The following SRPK2 variants were observed in gnomAD, a reference collection of about 807,000 sequenced individuals.
The protein encoded by SRPK2 is SFRS protein kinase 2.
A neutral mutation model predicts 90.8 loss-of-function variants in SRPK2; 21 were observed. The ratio of observed to expected loss-of-function variants is 0.23; its 90% CI spans 0.16 to 0.33. The LOEUF is 0.33. Ranked by LOEUF, SRPK2 falls within the 10% of genes least tolerant of loss-of-function variation. The pLI, the probability that SRPK2 is intolerant of heterozygous loss-of-function variation, is 1.00. For missense variants in SRPK2, 620 were observed against 869.0 expected, an observed-to-expected ratio of 0.71 and a Z score of 3.60; for synonymous variants, 288 against 311.1, an observed-to-expected ratio of 0.93 and a Z score of 0.78.
At chr7:105,362,971 C>T (rs1461623191) in intron 2 of SRPK2, among the ~76,000 whole-genome samples, 2 of 151,868 alleles carry the variant, frequency 1.3e-5, no homozygotes, top group African/African-American at 4.8e-5. Context: ...TGTTCTCACT[C>T]ATAGGAACTG....
intron 2 of SRPK2, among the ~76,000 whole-genome samples, chr7:105,258,511 G>T (rs974246255): frequency 1.3e-5 from 2 of 151,728 alleles, no homozygotes; most frequent in East Asian, 3.9e-4. Flanking sequence ...ACTAATATTT[G>T]GGATGTAAAT....
At chr7:105,264,371 C>G (rs927148116) in intron 2 of SRPK2, among the ~76,000 whole-genome samples, 9 of 152,234 alleles carry the variant, frequency 5.9e-5, no homozygotes, top group Admixed American at 2.6e-4. Context: ...CAAAAACAGC[C>G]TGGGTTCCTT....
chr7:105,122,198 T>A (rs558878147), intron 15 of SRPK2, among the ~76,000 whole-genome samples: 1 of 152,274 alleles, frequency 6.6e-6, no homozygotes, highest in Admixed American at 6.5e-5. Context: ...AACTAAACAA[T>A]TCCTAGAAAA....
chr7:105,352,631 G>T (rs1008725635), intron 2 of SRPK2, among the ~76,000 whole-genome samples: 1 of 152,278 alleles, frequency 6.6e-6, no homozygotes, highest in Non-Finnish European at 1.5e-5. Flanking sequence ...TGGGTGTGGT[G>T]GCTCACGCCA....
At chr7:105,304,669 G>C (rs1056597313) in intron 2 of SRPK2, among the ~76,000 whole-genome samples, 4 of 152,112 alleles carry the variant, frequency 2.6e-5, no homozygotes, top group Non-Finnish European at 5.9e-5. Context: ...ACAGTATCCC[G>C]AGCCTTACTT....
At chr7:105,292,604 G>A (rs1809204487) in intron 2 of SRPK2, among the ~76,000 whole-genome samples, 1 of 149,898 alleles carries the variant, frequency 6.7e-6, no homozygotes, top group Admixed American at 6.7e-5. Context: ...CCTCTGAAAC[G>A]CACCTGAAGA....
chr7:105,211,478 G>C (rs1175620436), intron 2 of SRPK2, among the ~76,000 whole-genome samples: 4 of 152,154 alleles, frequency 2.6e-5, no homozygotes, highest in Non-Finnish European at 5.9e-5. Flanking sequence ...AAGCTTCCGG[G>C]AAGGCCTCAG....
chr7:105,146,438 C>T (rs1804639206), intron 8 of SRPK2, 55 bp downstream of exon 8: 2 of 1,575,536 alleles, frequency 1.3e-6, no homozygotes, highest in East Asian at 2.3e-5. Context: ...ACAACTGCAA[C>T]TTTGCAAGCT....
At chr7:105,393,467 T>C (rs1436659966), upstream of SRPK2, among the ~76,000 whole-genome samples, 21 of 141,422 alleles carry the variant, frequency 1.5e-4, no homozygotes, top group South Asian at 8.9e-4. Flanking sequence ...TTCTTTTTTT[T>C]TTTTTTTTTT....
intron 2 of SRPK2, among the ~76,000 whole-genome samples, chr7:105,212,378 AT>A (rs1796964825): frequency 1.3e-5 from 2 of 152,202 alleles, no homozygotes; most frequent in South Asian, 4.1e-4. Flanking sequence ...TGGTATCGTT[AT>A]GGAAACAGAG....
chr7:105,333,614 C>T (rs947591017), intron 2 of SRPK2, among the ~76,000 whole-genome samples: 1 of 152,178 alleles, frequency 6.6e-6, no homozygotes, highest in Non-Finnish European at 1.5e-5. Flanking sequence ...CTCTTTCCTG[C>T]TTTCCAGTAG....
chr7:105,286,962 G>A (rs1384400763), intron 2 of SRPK2, among the ~76,000 whole-genome samples: 1 of 151,908 alleles, frequency 6.6e-6, no homozygotes, highest in Non-Finnish European at 1.5e-5. Flanking sequence ...ATAATATACA[G>A]CATTTGAAAA....
chr7:105,351,656 T>TA (rs1817197574), intron 2 of SRPK2, among the ~76,000 whole-genome samples: 1 of 151,578 alleles, frequency 6.6e-6, no homozygotes, highest in Non-Finnish European at 1.5e-5. Context: ...TACAAAAAAT[T>TA]AGCTGGGTGT....
intron 7 of SRPK2, among the ~76,000 whole-genome samples, chr7:105,148,590 G>A (rs1320781560): frequency 6.6e-6 from 1 of 152,114 alleles, no homozygotes; most frequent in East Asian, 1.9e-4. Context: ...AATTGAATAG[G>A]CATTTTGTTC....
At chr7:105,176,727 ATGTATGTATGTATGTG>A (rs1791979865) in intron 3 of SRPK2, among the ~76,000 whole-genome samples, 3 of 56,166 alleles carry the variant, frequency 5.3e-5, no homozygotes, top group Admixed American at 1.8e-4. Context: ...GTGTGTGTGT[ATGTATGTATGTATGTG>A]TGTATATGTG....
At chr7:105,147,302 T>C (rs560737822) in intron 7 of SRPK2, among the ~76,000 whole-genome samples, 15 of 152,240 alleles carry the variant, frequency 9.9e-5, no homozygotes, top group African/African-American at 3.4e-4. Context: ...ATCATTACTA[T>C]TTATTTTTTA....
intron 2 of SRPK2, among the ~76,000 whole-genome samples, chr7:105,258,011 GC>G (rs1803584451): frequency 6.7e-6 from 1 of 150,146 alleles, no homozygotes; most frequent in African/African-American, 2.5e-5. Context: ...GGAGGGGGAG[GC>G]AGGATAATTG....
intron 2 of SRPK2, among the ~76,000 whole-genome samples, chr7:105,345,431 T>C (rs1323584257): frequency 1.3e-5 from 2 of 152,090 alleles, no homozygotes; most frequent in African/African-American, 2.4e-5. Flanking sequence ...TTTGATGAGA[T>C]ACCCTAAAGT....
Position 105,205,845 on chromosome 7 carries a change from T to G in SRPK2, c.72-2060A>C, listed in dbSNP as rs78561230. ...GGCAGAATCAATTTGTCTGACACAT[T>G]TCCTCAATGAGAAATACTTTGAAAG... is the stretch of plus-strand genomic sequence containing the variant. On this transcript the variant is annotated intron_variant, in intron 2 of 15. Transcript: ENST00000393651. 1,251 of 493,184 alleles carry G rather than the reference T, an allele frequency of 2.5e-3. 4 individuals carry two copies. The highest frequency in any genetic ancestry group is 4.0e-3 in the Non-Finnish European group (996 of 247,596). The allele number at this position is 493,184 out of a possible 1,614,324, so 30.6% of individuals were successfully genotyped here. A position where few individuals can be genotyped will look rare whatever the true frequency, so the allele number is the denominator to read the frequency against.
Sources: allele counts gnomAD v4.1 joint callset (sites outside exome capture counted in the v4.1 genomes callset), GRCh38; gene constraint gnomAD v4.1.1; transcripts MANE v1.5; gene names NCBI Gene and HGNC (gene_info 2026-07-23, HGNC 2026-07-21).